Variants in LTBP1 observed in about 807,000 individuals in gnomAD.
LTBP1 encodes latent transforming growth factor beta binding protein 1.
LTBP1 carries 129 observed loss-of-function variants against 207.6 expected under a neutral mutation model. That is an observed-to-expected ratio of 0.62 (90% CI 0.54 to 0.72). The LOEUF (loss-of-function observed/expected upper bound fraction) is 0.72. Among genes scored for constraint, LTBP1 ranks in the 30% least tolerant of loss-of-function variants. The pLI is 0.00. For synonymous variants in LTBP1, 963 were observed against 833.7 expected, an observed-to-expected ratio of 1.16 and a Z score of -2.67; for missense variants, 2,281 against 2,217.2, an observed-to-expected ratio of 1.03 and a Z score of -0.58.
chr2:33,117,462 G>GT (rs2080813670), intron 4 of LTBP1, among the ~76,000 whole-genome samples: 2 of 152,184 alleles, frequency 1.3e-5, no homozygotes, highest in South Asian at 4.1e-4. Context: ...CCACAAAGAG[G>GT]TTACCCGTAA....
chr2:33,374,515 C>T (rs532137712), intron 31 of LTBP1, among the ~76,000 whole-genome samples: 3 of 152,284 alleles, frequency 2.0e-5, no homozygotes, highest in Non-Finnish European at 2.9e-5. Flanking sequence ...AAAAGGAAAT[C>T]GAGTGGCCGT....
intron 31 of LTBP1, among the ~76,000 whole-genome samples, chr2:33,370,727 A>G (rs1417028283): frequency 6.6e-6 from 1 of 152,182 alleles, no homozygotes; most frequent in African/African-American, 2.4e-5. Context: ...TCTTCATCTA[A>G]GCACTGGACT....
intron 32 of LTBP1, among the ~76,000 whole-genome samples, chr2:33,396,188 G>A (rs763386929): frequency 6.6e-6 from 1 of 150,616 alleles, no homozygotes; most frequent in Non-Finnish European, 1.5e-5. Context: ...TTTTTTTGGT[G>A]TGTGTGTGTG....
intron 7 of LTBP1, among the ~76,000 whole-genome samples, chr2:33,205,347 G>T (rs150655388): frequency 1.3e-5 from 2 of 152,132 alleles, no homozygotes; most frequent in Non-Finnish European, 1.5e-5. Flanking sequence ...ACCAGCTTGC[G>T]CTTTTTATAA....
intron 5 of LTBP1, among the ~76,000 whole-genome samples, chr2:33,175,124 A>G (rs201120029): frequency 0.014 from 2,119 of 151,750 alleles, 17 homozygotes; most frequent in East Asian, 0.025. Flanking sequence ...AAAACACCAA[A>G]AGCAATGGCA....
intron 5 of LTBP1, among the ~76,000 whole-genome samples, chr2:33,157,406 T>A (rs1230348167): frequency 6.6e-6 from 1 of 152,148 alleles, no homozygotes; most frequent in African/African-American, 2.4e-5. Context: ...GAGTAAGCAT[T>A]TTGTAGAAAT....
At chr2:32,995,434 T>A (rs892705291) in intron 2 of LTBP1, among the ~76,000 whole-genome samples, 6 of 152,146 alleles carry the variant, frequency 3.9e-5, no homozygotes, top group Admixed American at 3.9e-4. Flanking sequence ...TGAAGGCTAA[T>A]CATTGTGGTT....
intron 3 of LTBP1, among the ~76,000 whole-genome samples, chr2:33,031,710 C>T (rs992011721): frequency 6.6e-6 from 1 of 152,096 alleles, no homozygotes; most frequent in African/African-American, 2.4e-5. Context: ...AATGATTCTC[C>T]TGTTGGGGAA....
In LTBP1 at chr2:33,221,933, T is replaced by A. The variant is rs182262847; in HGVS notation, c.1805-147T>A. ...AAAAATAAGCAGAATGGGAAAAAAATTATGGAGATATACATTGGTATTGGT... is the reference window on the plus strand; with the variant it reads ...AAAAATAAGCAGAATGGGAAAAAAAATATGGAGATATACATTGGTATTGGT... On this transcript the variant is annotated intron_variant, in intron 8 of 33. Coordinates refer to ENST00000404816, the MANE Select transcript of LTBP1 (RefSeq NM_206943.4). The A allele has an allele frequency of 1.9e-3, 954 of 510,064 alleles. 8 individuals are homozygous for A. The highest frequency in any genetic ancestry group is 0.016 in the African/African-American group (871 of 53,050). 31.6% of individuals were successfully genotyped at this position (510,064 alleles called of 1,614,324 possible). A position where few individuals can be genotyped will look rare whatever the true frequency, so the allele number is the denominator to read the frequency against.
chr2:33,141,062 T>G (rs923593461), intron 5 of LTBP1, among the ~76,000 whole-genome samples: 15 of 152,246 alleles, frequency 9.9e-5, no homozygotes, highest in African/African-American at 3.6e-4. Flanking sequence ...ACATACTATG[T>G]GCCAGGTATG....
intron 15 of LTBP1, among the ~76,000 whole-genome samples, chr2:33,264,934 C>G (rs1321784798): frequency 6.6e-6 from 1 of 151,642 alleles, no homozygotes; most frequent in Non-Finnish European, 1.5e-5. Context: ...GCCTGAGAAG[C>G]AGGGGAGTTG....
intron 5 of LTBP1, among the ~76,000 whole-genome samples, chr2:33,184,170 T>C (rs1402142748): frequency 6.6e-6 from 1 of 152,182 alleles, no homozygotes; most frequent in Non-Finnish European, 1.5e-5. Flanking sequence ...TTTCCCACTC[T>C]ACTCTCTCTC....
chr2:33,323,402 C>T (rs1332875590), intron 24 of LTBP1, among the ~76,000 whole-genome samples: 2 of 151,986 alleles, frequency 1.3e-5, no homozygotes, highest in South Asian at 2.1e-4. Context: ...TTTGGGAGGC[C>T]GAAACAGGCA....
intron 2 of LTBP1, among the ~76,000 whole-genome samples, chr2:33,003,525 G>A (rs1446406432): frequency 6.6e-6 from 1 of 152,194 alleles, no homozygotes; most frequent in Non-Finnish European, 1.5e-5. Flanking sequence ...TGTGGTGTAT[G>A]CAGAGCTGTG....
At chr2:33,149,242 A>AC (rs1558707551) in intron 5 of LTBP1, among the ~76,000 whole-genome samples, 3,754 of 146,464 alleles carry the variant, frequency 0.026, 178 homozygotes, top group African/African-American at 0.085. Flanking sequence ...AAAAAAAAAA[A>AC]AAAAAAAAAA....
At chr2:33,050,766 C>T (rs918820541) in intron 3 of LTBP1, among the ~76,000 whole-genome samples, 2 of 150,976 alleles carry the variant, frequency 1.3e-5, no homozygotes, top group African/African-American at 4.9e-5. Flanking sequence ...CCGAGTCTCG[C>T]TCTGTTGCCC....
chr2:32,948,514 C>G (rs756752195), intron 1 of LTBP1, among the ~76,000 whole-genome samples: 9 of 152,122 alleles, frequency 5.9e-5, no homozygotes, highest in Non-Finnish European at 8.8e-5. Flanking sequence ...CCTTTTTGGA[C>G]AGTTCTCTCT....
intron 18 of LTBP1, among the ~76,000 whole-genome samples, chr2:33,278,267 T>C (rs1210339803): frequency 1.3e-5 from 2 of 152,180 alleles, no homozygotes; most frequent in East Asian, 3.8e-4. Flanking sequence ...GAATATTCGG[T>C]GATATTCAAT....
chr2:33,335,942 C>T (rs1192313284), intron 24 of LTBP1, among the ~76,000 whole-genome samples: 1 of 152,090 alleles, frequency 6.6e-6, no homozygotes. Flanking sequence ...TGAAGAGTTC[C>T]AGGAGCACCG....
Sources: gnomAD v4.1 joint callset for allele counts (sites outside exome capture counted in the v4.1 genomes callset) on GRCh38, gnomAD v4.1.1 for gene constraint, MANE v1.5 for transcripts, NCBI Gene and HGNC (gene_info 2026-07-23, HGNC 2026-07-21) for gene names.